The following CCDC62 variants were observed in gnomAD, a reference collection of about 807,000 sequenced individuals.
The protein encoded by CCDC62 is coiled-coil domain containing 62, also known as coiled-coil domain-containing protein 62.
In CCDC62, 72 loss-of-function variants were observed where a neutral mutation model predicts 80.8. That is an observed-to-expected ratio of 0.89 (90% confidence interval 0.74 to 1.08). CCDC62 has a LOEUF of 1.08. CCDC62 is among the 50% of genes least tolerant of loss of function. CCDC62 has a pLI of 0.00. For missense variants in CCDC62, 704 were observed against 809.4 expected (o/e 0.87, Z 1.58); for synonymous variants, 286 against 296.5 (o/e 0.96, Z 0.36).
intron 2 of CCDC62, among the ~76,000 whole-genome samples, chr12:122,780,441 G>T (rs866175454): frequency 6.6e-6 from 1 of 151,000 alleles, no homozygotes; most frequent in East Asian, 1.9e-4. Context: ...GTGAAACCCC[G>T]TCTCTACTAA....
At chr12:122,784,360 A>C (rs1290220561) in intron 3 of CCDC62, among the ~76,000 whole-genome samples, 1 of 152,034 alleles carries the variant, frequency 6.6e-6, no homozygotes, top group Non-Finnish European at 1.5e-5. Flanking sequence ...ATCTCTACTA[A>C]AAATACAAAA....
intron 10 of CCDC62, among the ~76,000 whole-genome samples, chr12:122,812,954 T>G (rs1020241644): frequency 6.6e-6 from 1 of 151,964 alleles, no homozygotes; most frequent in African/African-American, 2.4e-5. Flanking sequence ...CCCCAGCACT[T>G]TGGGAGGCCG....
intron 5 of CCDC62, among the ~76,000 whole-genome samples, chr12:122,791,237 C>T (rs1315807749): frequency 1.3e-5 from 2 of 152,048 alleles, no homozygotes; most frequent in African/African-American, 4.8e-5. Flanking sequence ...GCCTGCCTCT[C>T]AAGCAATTCT....
At chr12:122,783,479 G>A (rs2030004437) in intron 3 of CCDC62, among the ~76,000 whole-genome samples, 1 of 152,058 alleles carries the variant, frequency 6.6e-6, no homozygotes, top group African/African-American at 2.4e-5. Context: ...GCCCGCCTCG[G>A]CCTCCCAAAG....
intron 8 of CCDC62, among the ~76,000 whole-genome samples, chr12:122,800,207 C>T (rs2031213980): frequency 2.6e-5 from 3 of 114,782 alleles, no homozygotes; most frequent in East Asian, 2.7e-4. Context: ...GGGGTTTCGT[C>T]GTGTTGCGAA....
intron 11 of CCDC62, among the ~76,000 whole-genome samples, chr12:122,818,527 G>A (rs1477630110): frequency 2.0e-5 from 3 of 151,928 alleles, no homozygotes; most frequent in Non-Finnish European, 4.4e-5. Flanking sequence ...GGGAGGTTGA[G>A]GGGGGAGGAT....
chr12:122,785,094 A>G (rs1329579992), intron 3 of CCDC62, among the ~76,000 whole-genome samples: 3 of 151,988 alleles, frequency 2.0e-5, no homozygotes, highest in African/African-American at 7.2e-5. Context: ...AGCCGAGGTC[A>G]TCCCACCACT....
At chr12:122,812,460 G>T (rs1478198126) in intron 10 of CCDC62, among the ~76,000 whole-genome samples, 1 of 148,348 alleles carries the variant, frequency 6.7e-6, no homozygotes, top group Non-Finnish European at 1.5e-5. Flanking sequence ...AAAAAAAGAG[G>T]CCGGGTGCGG....
At chr12:122,778,648 G>A (rs938361464) in intron 2 of CCDC62, among the ~76,000 whole-genome samples, 1 of 152,164 alleles carries the variant, frequency 6.6e-6, no homozygotes, top group Non-Finnish European at 1.5e-5. Flanking sequence ...GGGAGGCTGA[G>A]GCAGGCGGAT....
chr12:122,801,173 A>G lies in CCDC62; in HGVS notation c.1027A>G (p.Ile343Val). 6.2e-7 allele frequency: 1 copy of G among 1,613,868 alleles called. No individual in the cohort carries two copies. The highest frequency in any genetic ancestry group is 8.5e-7 in the Non-Finnish European group (1 of 1,179,948). Residue 343 changes from isoleucine (I) to valine (V), a missense_variant, in exon 9 of 13, where the codon ATT becomes GTT. Transcript: ENST00000253079. ...TGAAAATAACCACCCAAAAGTCGAT[A>G]TTAAGAGGGAAAAAAATCAGAAGTC... ...DLENNHPKVD[I>V]KREKNQKSLF...
At chr12:122,780,187 C>T (rs1292939886) in intron 2 of CCDC62, among the ~76,000 whole-genome samples, 9 of 145,600 alleles carry the variant, frequency 6.2e-5, no homozygotes, top group Admixed American at 1.4e-4. Flanking sequence ...GGTGCTCGCC[C>T]GTAATCCCAG....
chr12:122,812,777 G>GAAAGAAAGAAAGAAAGAAAGAAAGAA (rs1555257980), intron 10 of CCDC62, among the ~76,000 whole-genome samples: 19 of 57,760 alleles, frequency 3.3e-4, no homozygotes, highest in South Asian at 6.2e-4. Context: ...GAGAGAGAGA[G>GAAAGAAAGAAAGAAAGAAAGAAAGAA]AGAAAGAAAG....
At chr12:122,816,394 C>T (rs903102042) in intron 11 of CCDC62, among the ~76,000 whole-genome samples, 1 of 152,152 alleles carries the variant, frequency 6.6e-6, no homozygotes, top group Non-Finnish European at 1.5e-5. Context: ...CTTTTCTAGT[C>T]ATTCTTTGGC....
At position 122,801,100 on chromosome 12, in the gene CCDC62, A is replaced by AT. The variant is rs771779907; in HGVS notation, c.978-16dup. The AT allele has an allele frequency of 9.5e-6, 15 of 1,582,446 alleles. No individual in the cohort carries two copies. The Admixed American group carries it at 1.1e-4, about 12-fold the overall frequency. On this transcript the variant is annotated intron_variant, in intron 8 of 12. Transcript: ENST00000253079. ...GCATCAAGTATATCTTATAACCTCC[A>AT]TTTTTTTTCTAATGCCACCATAGCA... is the stretch of plus-strand genomic sequence containing the variant.
rs73415564 is a variant in CCDC62, at chr12:122,813,077, C to T, written c.1852-193C>T. 4.7e-3 allele frequency among the ~76,000 whole-genome samples: 717 copies of T among 152,090 alleles called. 8 individuals carry two copies. The highest frequency in any genetic ancestry group is 0.016 in the African/African-American group (678 of 41,480). On this transcript the variant is annotated intron_variant, in intron 10 of 12. Transcript: ENST00000253079. Reference sequence around the variant, plus strand: ...GGTGTGGTTGCACACACCTATGGTCCCAGCTTTTCAGGAGGCTGAGGCAGG... The same window carrying T: ...GGTGTGGTTGCACACACCTATGGTCTCAGCTTTTCAGGAGGCTGAGGCAGG...
chr12:122,803,387 T>C (rs2031413804), intron 9 of CCDC62, among the ~76,000 whole-genome samples: 1 of 152,208 alleles, frequency 6.6e-6, no homozygotes, highest in Admixed American at 6.5e-5. Flanking sequence ...TGCTGCCTTA[T>C]TCAGGCTTGT....
At chr12:122,813,885 G>A (rs1016337098) in intron 11 of CCDC62, among the ~76,000 whole-genome samples, 2 of 151,940 alleles carry the variant, frequency 1.3e-5, no homozygotes, top group African/African-American at 4.8e-5. Flanking sequence ...TCAAACTCCT[G>A]ATCTCCAGTG....
At chr12:122,802,827 G>A (rs1393773756) in intron 9 of CCDC62, among the ~76,000 whole-genome samples, 6 of 152,118 alleles carry the variant, frequency 3.9e-5, no homozygotes, top group African/African-American at 1.4e-4. Flanking sequence ...AGGAATTTGA[G>A]ACTAGCCTGG....
At chr12:122,811,372 C>T (rs1349032892) in intron 10 of CCDC62, among the ~76,000 whole-genome samples, 2 of 150,650 alleles carry the variant, frequency 1.3e-5, no homozygotes, top group African/African-American at 2.4e-5. Context: ...CCACCACGCC[C>T]GGCTAATTTT....
Sources: allele counts gnomAD v4.1 joint callset (sites outside exome capture counted in the v4.1 genomes callset), GRCh38; gene constraint gnomAD v4.1.1; transcripts MANE v1.5; gene names NCBI Gene and HGNC (gene_info 2026-07-23, HGNC 2026-07-21).